The following MYH7B variants were observed in gnomAD, a reference collection of about 807,000 sequenced individuals.
The protein encoded by MYH7B is myosin-7B.
In MYH7B, 205 loss-of-function variants were observed where a neutral mutation model predicts 234.5. The ratio of observed to expected loss-of-function variants is 0.87; its 90% CI spans 0.78 to 0.98. The LOEUF (loss-of-function observed/expected upper bound fraction) is 0.98, where lower values mean the gene tolerates loss of function less well. Ranked by LOEUF, MYH7B falls within the 50% of genes least tolerant of loss-of-function variation. MYH7B has a pLI of 0.00. For missense variants in MYH7B, 2,652 were observed against 2,633.4 expected, an observed-to-expected ratio of 1.01 and a Z score of -0.15; for synonymous variants, 1,193 against 1,105.0, an observed-to-expected ratio of 1.08 and a Z score of -1.58.
At chr20:35,001,475 G>A (rs770212739) in exon 43 of MYH7B, 2 of 1,610,338 alleles carry the variant, frequency 1.2e-6, no homozygotes, top group Non-Finnish European at 1.7e-6. Context: ...AGGACCTGGT[G>A]GACAAGCTGC....
chr20:34,978,202 G>T, intron 5 of MYH7B, 106 bp downstream of exon 5: 1 of 1,351,978 alleles, frequency 7.4e-7, no homozygotes, highest in Non-Finnish European at 1.0e-6. Context: ...AGGGGCATTG[G>T]GGCCTGACAG....
At chr20:34,968,860 G>T (rs2081767216) in intron 2 of MYH7B, among the ~76,000 whole-genome samples, 1 of 152,192 alleles carries the variant, frequency 6.6e-6, no homozygotes, top group Non-Finnish European at 1.5e-5. Flanking sequence ...CCCTTACCTG[G>T]CAGGGAGGCC....
exon 40 of MYH7B, chr20:35,000,866 G>C (rs767864995): frequency 6.2e-7 from 1 of 1,613,400 alleles, no homozygotes; most frequent in Non-Finnish European, 8.5e-7. Context: ...GGGAGGCTGA[G>C]GAGAAGGCCA....
rs762875631 is a variant in MYH7B, at chr20:34,999,715, G to A, written c.4665+20G>A. 7.1e-5 allele frequency: 114 copies of A among 1,612,112 alleles called. No homozygotes were observed. Among genetic ancestry groups the A allele is most frequent in the Admixed American group, 2.2e-4 (13 of 59,942 alleles). On this transcript the variant is annotated intron_variant, in intron 37 of 44. Transcript: ENST00000262873. ...GCAGAGGTCAGGGGCTGGCTGCAGGGGTGGGTGGACACTGACCTGCTGCTC... is the reference window on the plus strand; with the variant it reads ...GCAGAGGTCAGGGGCTGGCTGCAGGAGTGGGTGGACACTGACCTGCTGCTC...
rs759275877 is a variant in MYH7B, at chr20:35,001,241, G to A, written c.5476-4G>A. 1.1e-5 allele frequency: 17 copies of A among 1,608,980 alleles called. No homozygotes were observed. Among genetic ancestry groups the A allele is most frequent in the Non-Finnish European group, 1.4e-5 (17 of 1,176,964 alleles). Reference sequence around the variant, plus strand: ...TTGGCATCAGGCTGTCCCCCTGCCTGCAGGTACGGGAGCTGGAGGCTGAGC... The same window carrying A: ...TTGGCATCAGGCTGTCCCCCTGCCTACAGGTACGGGAGCTGGAGGCTGAGC... On this transcript the variant is annotated splice_polypyrimidine_tract_variant and splice_region_variant and intron_variant, in intron 41 of 44. Coordinates refer to ENST00000262873, the Ensembl canonical transcript of MYH7B.
intron 4 of MYH7B, 47 bp downstream of exon 4, chr20:34,977,727 TGGGCGGGTGGG>T: frequency 1.2e-5 from 2 of 161,544 alleles, no homozygotes; most frequent in Non-Finnish European, 2.1e-5. Context: ...GGCAGGAGGG[TGGGCGGGTGGG>T]TGAGGGTGCC....
At chr20:34,983,851 G>A (rs769126888) in intron 10 of MYH7B, among the ~76,000 whole-genome samples, 5 of 152,332 alleles carry the variant, frequency 3.3e-5, no homozygotes, top group African/African-American at 1.2e-4. Flanking sequence ...TGGTATATCT[G>A]TTCCCTCCAG....
intron 5 of MYH7B, 105 bp from the exon 6 acceptor site, chr20:34,979,285 T>A (rs964164623): frequency 2.4e-6 from 2 of 821,684 alleles, no homozygotes; most frequent in Non-Finnish European, 1.9e-6. Context: ...CAGAGGGGCT[T>A]TGGGGAGGGT....
At chr20:34,999,820 G>T in exon 38 of MYH7B, 1 of 1,603,166 alleles carries the variant, frequency 6.2e-7, no homozygotes, top group South Asian at 1.1e-5. Flanking sequence ...AGACCAAGAC[G>T]CTGCGGATCC....
At chr20:34,964,134 A>G (rs1260536765) in intron 2 of MYH7B, among the ~76,000 whole-genome samples, 1 of 152,082 alleles carries the variant, frequency 6.6e-6, no homozygotes, top group Non-Finnish European at 1.5e-5. Flanking sequence ...TTACAAGGTA[A>G]TACAAAGTTT....
intron 1 of MYH7B, among the ~76,000 whole-genome samples, chr20:34,956,991 C>G (rs771550936): frequency 2.0e-5 from 3 of 152,202 alleles, no homozygotes; most frequent in Non-Finnish European, 4.4e-5. Context: ...GAGACGGAGG[C>G]TGCTGTGAGC....
At chr20:34,982,553 G>T (rs2081956413) in exon 10 of MYH7B, 1 of 1,596,470 alleles carries the variant, frequency 6.3e-7, no homozygotes, top group African/African-American at 1.3e-5. Flanking sequence ...GGGCAAGAAG[G>T]CCGTAAGACT....
At chr20:34,964,692 G>GAGGATCACTTGAGGCCAAGACGCA (rs1404709371) in intron 2 of MYH7B, among the ~76,000 whole-genome samples, 8 of 152,184 alleles carry the variant, frequency 5.3e-5, no homozygotes, top group African/African-American at 1.9e-4. Flanking sequence ...GCCAAGACAG[G>GAGGATCACTTGAGGCCAAGACGCA]AGGATCACTT....
At chr20:34,987,737 T>TCCCAG in intron 17 of MYH7B, 28 bp from the exon 18 acceptor site, 1 of 1,613,816 alleles carries the variant, frequency 6.2e-7, no homozygotes, top group East Asian at 2.2e-5. Context: ...CCTTGCCAGG[T>TCCCAG]CCCAGCCCAG....
At chr20:34,960,436 C>T (rs1297842077) in intron 2 of MYH7B, among the ~76,000 whole-genome samples, 1 of 152,112 alleles carries the variant, frequency 6.6e-6, no homozygotes, top group Non-Finnish European at 1.5e-5. Context: ...GGGGTTTCAC[C>T]GTGTTAGCCA....
At chr20:34,984,922 G>C (rs769439384) in exon 12 of MYH7B, 1 of 1,613,912 alleles carries the variant, frequency 6.2e-7, no homozygotes. Context: ...CCAAGACCCT[G>C]AGGAATGATA....
Position 34,987,793 on chromosome 20 carries a change from AGGCCACCTATGACC to A in MYH7B, c.1299_1312del (p.Thr434ValfsTer31). ...GTGTTTGCTGTGGGGGCTCTGGCCA[AGGCCACCTATGACC>A]GGCTGTTCAGGTGGCTGGTGTCTCG... On this transcript the variant is annotated frameshift_variant, in exon 18 of 45. Transcript: ENST00000262873. LOFTEE classifies it high-confidence loss of function. 1 of 1,614,188 alleles carries A rather than the reference AGGCCACCTATGACC, an allele frequency of 6.2e-7. No homozygotes were observed. The highest frequency in any genetic ancestry group is 8.5e-7 in the Non-Finnish European group (1 of 1,180,016).
At chr20:34,969,514 G>C (rs565795678) in intron 2 of MYH7B, among the ~76,000 whole-genome samples, 1 of 151,086 alleles carries the variant, frequency 6.6e-6, no homozygotes, top group Admixed American at 6.6e-5. Context: ...CGCAGGAGAT[G>C]GCATAGCCCA....
Position 34,989,876 on chromosome 20 carries a change from G to GC in MYH7B, c.1725dup (p.Lys576GlnfsTer32). ...CAGCAGCCTCGGCCTGACAAGAAGC[G>GC]CAAGTACCAGGCCCACTTCGAGGTG... On this transcript the variant is annotated frameshift_variant, in exon 20 of 45. Transcript: ENST00000262873. LOFTEE classifies it high-confidence loss of function. 6.2e-7 allele frequency: 1 copy of GC among 1,614,202 alleles called. No homozygotes were observed. Among genetic ancestry groups the GC allele is most frequent in the Non-Finnish European group, 8.5e-7 (1 of 1,180,038 alleles).
Sources: allele counts gnomAD v4.1 joint callset (sites outside exome capture counted in the v4.1 genomes callset), GRCh38; gene constraint gnomAD v4.1.1; transcripts MANE v1.5; gene names NCBI Gene and HGNC (gene_info 2026-07-23, HGNC 2026-07-21).